KAZN: variants seen among roughly 807,000 people sequenced by gnomAD.
KAZN encodes kazrin.
Under a neutral mutation model 87.4 loss-of-function variants are expected in KAZN, and 40 were observed. The observed-to-expected ratio is 0.46, with a 90% confidence interval of 0.36 to 0.60. KAZN has a LOEUF of 0.60. Ranked by LOEUF, KAZN falls within the 20% of genes least tolerant of loss-of-function variation. KAZN has a pLI of 0.00. For missense variants in KAZN, 898 were observed against 1,073.9 expected, an observed-to-expected ratio of 0.84 and a Z score of 2.29; for synonymous variants, 466 against 458.3, an observed-to-expected ratio of 1.02 and a Z score of -0.22.
At chr1:15,069,667 A>T (rs1010525130) in intron 8 of KAZN, among the ~76,000 whole-genome samples, 1 of 152,204 alleles carries the variant, frequency 6.6e-6, no homozygotes. Context: ...CTTCTCCAGG[A>T]CCTTGCTCCA....
At chr1:15,005,043 T>A (rs1262189874) in intron 2 of KAZN, among the ~76,000 whole-genome samples, 1 of 152,146 alleles carries the variant, frequency 6.6e-6, no homozygotes, top group Non-Finnish European at 1.5e-5. Flanking sequence ...CACAGCCTCA[T>A]ATCCATTGGG....
intron 2 of KAZN, among the ~76,000 whole-genome samples, chr1:14,405,315 G>A (rs1290195621): frequency 1.3e-5 from 2 of 152,164 alleles, no homozygotes; most frequent in South Asian, 2.1e-4. Flanking sequence ...TATGCCCAGC[G>A]GGGAAGGAAA....
chr1:14,392,840 A>G (rs1283796446), intron 2 of KAZN, among the ~76,000 whole-genome samples: 2 of 152,094 alleles, frequency 1.3e-5, no homozygotes, highest in Admixed American at 6.5e-5. Flanking sequence ...TCTCATGGTG[A>G]TTCTAATGGC....
intron 2 of KAZN, among the ~76,000 whole-genome samples, chr1:14,226,098 C>T (rs1647275473): frequency 1.3e-5 from 2 of 152,018 alleles, no homozygotes; most frequent in Non-Finnish European, 2.9e-5. Context: ...AAAAACCACC[C>T]TATCAACAGA....
At chr1:14,776,472 T>G (rs1405569773) in intron 1 of KAZN, among the ~76,000 whole-genome samples, 1 of 152,194 alleles carries the variant, frequency 6.6e-6, no homozygotes, top group African/African-American at 2.4e-5. Context: ...CTAAGCGCTC[T>G]TCATCCAGGC....
intron 8 of KAZN, among the ~76,000 whole-genome samples, chr1:15,092,015 T>C (rs1640553880): frequency 6.6e-6 from 1 of 151,842 alleles, no homozygotes; most frequent in Non-Finnish European, 1.5e-5. Context: ...ATTTATAATA[T>C]TGAATTTCAG....
chr1:14,545,714 G>C (rs367918175), intron 2 of KAZN, among the ~76,000 whole-genome samples: 3 of 152,134 alleles, frequency 2.0e-5, no homozygotes, highest in East Asian at 3.9e-4. Context: ...TGCTCGTCCA[G>C]GTAGACAGGG....
chr1:14,724,332 A>G (rs1643275685), intron 1 of KAZN, among the ~76,000 whole-genome samples: 2 of 152,316 alleles, frequency 1.3e-5, no homozygotes, highest in South Asian at 4.1e-4. Context: ...TCTGCACAGT[A>G]ACCACAATAT....
intron 7 of KAZN, among the ~76,000 whole-genome samples, chr1:15,064,607 C>A (rs1210127486): frequency 1.3e-5 from 2 of 152,226 alleles, no homozygotes; most frequent in Non-Finnish European, 2.9e-5. Flanking sequence ...CTCAGAGCAG[C>A]TCAGGTGCTT....
chr1:13,991,875 T>C (rs1639299419), intron 1 of KAZN, among the ~76,000 whole-genome samples: 1 of 152,130 alleles, frequency 6.6e-6, no homozygotes, highest in East Asian at 1.9e-4. Context: ...GAACTATAGA[T>C]ACAGACGCAG....
intron 2 of KAZN, among the ~76,000 whole-genome samples, chr1:14,570,139 A>T (rs1487944369): frequency 6.6e-6 from 1 of 152,010 alleles, no homozygotes; most frequent in African/African-American, 2.4e-5. Context: ...AAAAATTTTT[A>T]AAAATCCAGG....
chr1:14,718,446 G>A (rs1480941370), intron 1 of KAZN, among the ~76,000 whole-genome samples: 3 of 152,192 alleles, frequency 2.0e-5, no homozygotes, highest in African/African-American at 7.2e-5. Context: ...ATTTTGGAGG[G>A]TTTCCGCATA....
intron 1 of KAZN, among the ~76,000 whole-genome samples, chr1:14,136,237 C>T (rs1242213963): frequency 4.6e-5 from 7 of 152,044 alleles, no homozygotes; most frequent in African/African-American, 1.2e-4. Flanking sequence ...TGGGGAGCCC[C>T]GGCCTCAGTA....
intron 1 of KAZN, among the ~76,000 whole-genome samples, chr1:14,831,881 C>G: frequency 6.6e-6 from 1 of 152,040 alleles, no homozygotes; most frequent in East Asian, 1.9e-4. Flanking sequence ...AGAAACCCAA[C>G]TCAAATGAGC....
At chr1:14,985,451 G>A (rs1390496789) in intron 2 of KAZN, among the ~76,000 whole-genome samples, 2 of 149,658 alleles carry the variant, frequency 1.3e-5, no homozygotes, top group East Asian at 2.1e-4. Flanking sequence ...GATGGCTTAA[G>A]CCCAGGAGGC....
In KAZN at chr1:14,693,018, G is replaced by T. The variant is rs192446847; in HGVS notation, c.226+93795G>T. 3.3e-4 allele frequency among the ~76,000 whole-genome samples: 50 copies of T among 152,258 alleles called. No individual in the cohort carries two copies. The East Asian group carries it at 7.9e-3, about 24-fold the overall frequency. On this transcript the variant is annotated intron_variant, in intron 1 of 14. Transcript: ENST00000376030. ...TTGACCAGTTCTGGTCTTCTCAGGGGTCGTTTTTAAAGGGAATGGAAATAT... is the reference window on the plus strand; with the variant it reads ...TTGACCAGTTCTGGTCTTCTCAGGGTTCGTTTTTAAAGGGAATGGAAATAT...
intron 1 of KAZN, among the ~76,000 whole-genome samples, chr1:14,814,085 C>T (rs565665696): frequency 1.5e-4 from 23 of 152,338 alleles, no homozygotes; most frequent in Non-Finnish European, 3.4e-4. Context: ...TTGTGGAGCA[C>T]ATCTGATTTC....
intron 1 of KAZN, among the ~76,000 whole-genome samples, chr1:14,878,681 G>A (rs1017309988): frequency 7.9e-5 from 12 of 152,308 alleles, no homozygotes; most frequent in African/African-American, 2.6e-4. Context: ...GCCCTCAGCT[G>A]GAGGGAGGCA....
At chr1:14,418,861 TTGTG>T (rs1294478100) in intron 2 of KAZN, among the ~76,000 whole-genome samples, 1 of 152,130 alleles carries the variant, frequency 6.6e-6, no homozygotes, top group Non-Finnish European at 1.5e-5. Context: ...ACCAGTACAC[TTGTG>T]TGTGTGCAAA....
Sources: gnomAD v4.1 joint callset for allele counts (sites outside exome capture counted in the v4.1 genomes callset) on GRCh38, gnomAD v4.1.1 for gene constraint, MANE v1.5 for transcripts, NCBI Gene and HGNC (gene_info 2026-07-23, HGNC 2026-07-21) for gene names.